The following MACROD2 variants were observed in gnomAD, a reference collection of about 807,000 sequenced individuals.
MACROD2 encodes the protein ADP-ribose glycohydrolase MACROD2.
MACROD2 carries 36 observed loss-of-function variants against 70.4 expected under a neutral mutation model. The ratio of observed to expected loss-of-function variants is 0.51; its 90% confidence interval spans 0.39 to 0.68. The LOEUF (loss-of-function observed/expected upper bound fraction) is 0.68, where lower values mean the gene tolerates loss of function less well. Ranked by LOEUF, MACROD2 falls within the 30% of genes least tolerant of loss-of-function variation. The pLI is 0.00. For synonymous variants in MACROD2, 172 were observed against 178.8 expected, an observed-to-expected ratio of 0.96 and a Z score of 0.30; for missense variants, 496 against 538.4, an observed-to-expected ratio of 0.92 and a Z score of 0.78.
chr20:14,775,819 T>G (rs1490128074), intron 5 of MACROD2, among the ~76,000 whole-genome samples: 1 of 152,014 alleles, frequency 6.6e-6, no homozygotes, highest in East Asian at 1.9e-4. Context: ...AAAAATTTTA[T>G]ATGGACCCAT....
At chr20:15,963,812 T>C (rs1356420035) in intron 12 of MACROD2, among the ~76,000 whole-genome samples, 2 of 152,204 alleles carry the variant, frequency 1.3e-5, no homozygotes, top group Non-Finnish European at 2.9e-5. Flanking sequence ...TTTAAACCTT[T>C]TCAACTTTCT....
At chr20:15,842,468 CTT>C (rs3071404) in intron 8 of MACROD2, among the ~76,000 whole-genome samples, 5 of 137,432 alleles carry the variant, frequency 3.6e-5, no homozygotes, top group Admixed American at 1.5e-4. Flanking sequence ...TTTTTTTCAT[CTT>C]TTTTTTTTTT....
At chr20:15,054,835 G>A (rs1882197232) in intron 5 of MACROD2, among the ~76,000 whole-genome samples, 1 of 152,028 alleles carries the variant, frequency 6.6e-6, no homozygotes. Context: ...CCAGGCTGGA[G>A]TGCAATGGCA....
At chr20:15,838,784 T>C (rs999280194) in intron 8 of MACROD2, among the ~76,000 whole-genome samples, 1 of 152,188 alleles carries the variant, frequency 6.6e-6, no homozygotes, top group Non-Finnish European at 1.5e-5. Flanking sequence ...ACTGAACCTT[T>C]TAAATAAATA....
At chr20:14,611,812 C>T (rs1230652584) in intron 4 of MACROD2, among the ~76,000 whole-genome samples, 1 of 152,050 alleles carries the variant, frequency 6.6e-6, no homozygotes, top group Non-Finnish European at 1.5e-5. Flanking sequence ...AAATATTAAG[C>T]TTTTTAAAAA....
At chr20:14,342,672 C>T (rs779085994) in intron 3 of MACROD2, among the ~76,000 whole-genome samples, 13 of 152,104 alleles carry the variant, frequency 8.5e-5, no homozygotes, top group Non-Finnish European at 1.8e-4. Flanking sequence ...CTTAGAATGC[C>T]GAAAGGTTTT....
intron 2 of MACROD2, among the ~76,000 whole-genome samples, chr20:14,020,438 A>C (rs1304364370): frequency 6.6e-6 from 1 of 152,188 alleles, no homozygotes; most frequent in Non-Finnish European, 1.5e-5. Flanking sequence ...GCACCCTTGC[A>C]CTCCAGCCTG....
intron 2 of MACROD2, among the ~76,000 whole-genome samples, chr20:14,026,110 G>A (rs888549668): frequency 2.0e-5 from 3 of 152,090 alleles, no homozygotes; most frequent in Non-Finnish European, 2.9e-5. Context: ...GCCCTTCTTT[G>A]TCTTTTTTGA....
chr20:15,720,673 G>A (rs375828172), intron 8 of MACROD2, among the ~76,000 whole-genome samples: 8 of 152,284 alleles, frequency 5.3e-5, no homozygotes, highest in African/African-American at 1.9e-4. Flanking sequence ...ACTATTGGCA[G>A]TGAGAGGTAC....
intron 15 of MACROD2, among the ~76,000 whole-genome samples, chr20:16,040,670 C>G (rs1158227520): frequency 6.6e-6 from 1 of 151,976 alleles, no homozygotes; most frequent in Non-Finnish European, 1.5e-5. Context: ...TCTCAGCAAT[C>G]CGAAATGGCA....
chr20:15,240,709 A>G (rs964527474), intron 6 of MACROD2, among the ~76,000 whole-genome samples: 1 of 152,186 alleles, frequency 6.6e-6, no homozygotes. Context: ...CCCCAATGTG[A>G]TGGTATATAG....
At chr20:15,782,717 C>CCA (rs2051854125) in intron 8 of MACROD2, among the ~76,000 whole-genome samples, 1 of 83,358 alleles carries the variant, frequency 1.2e-5, no homozygotes, top group African/African-American at 4.1e-5. Flanking sequence ...AGAGAAATGG[C>CCA]AAAAAAAAAA....
chr20:16,023,180 T>C (rs1044693853), intron 15 of MACROD2, among the ~76,000 whole-genome samples: 19 of 147,796 alleles, frequency 1.3e-4, no homozygotes, highest in Middle Eastern at 3.4e-3. Flanking sequence ...GAAGAAGATA[T>C]AAGAGATGGT....
chr20:15,633,436 G>A (rs2049320224), intron 8 of MACROD2, among the ~76,000 whole-genome samples: 1 of 152,194 alleles, frequency 6.6e-6, no homozygotes, highest in Admixed American at 6.5e-5. Flanking sequence ...TGTGACAAGT[G>A]AGAAGTAACA....
At chr20:14,433,870 T>A (rs905448537) in intron 3 of MACROD2, among the ~76,000 whole-genome samples, 3 of 152,126 alleles carry the variant, frequency 2.0e-5, no homozygotes, top group Admixed American at 1.3e-4. Context: ...ATCATGTGAT[T>A]TTTCTCTTCT....
chr20:15,444,779 T>G (rs1474508851), intron 7 of MACROD2, among the ~76,000 whole-genome samples: 2 of 152,120 alleles, frequency 1.3e-5, no homozygotes, highest in Non-Finnish European at 2.9e-5. Flanking sequence ...AAAATGAGGT[T>G]AATAATGGTA....
intron 5 of MACROD2, among the ~76,000 whole-genome samples, chr20:15,108,603 GT>G (rs2075930125): frequency 6.6e-6 from 1 of 152,116 alleles, no homozygotes; most frequent in African/African-American, 2.4e-5. Flanking sequence ...CTAGTTCAGA[GT>G]TTTTATCATT....
At chr20:15,064,749 T>C (rs2075560325) in intron 5 of MACROD2, among the ~76,000 whole-genome samples, 1 of 152,198 alleles carries the variant, frequency 6.6e-6, no homozygotes. Context: ...TTTCACAAGA[T>C]CCCAAGCCTT....
At chr20:15,048,810 C>T (rs2075416235) in intron 5 of MACROD2, among the ~76,000 whole-genome samples, 1 of 152,120 alleles carries the variant, frequency 6.6e-6, no homozygotes, top group Admixed American at 6.5e-5. Context: ...CATCCACATT[C>T]TCAATTATAG....
Sources: allele counts gnomAD v4.1 joint callset (sites outside exome capture counted in the v4.1 genomes callset), GRCh38; gene constraint gnomAD v4.1.1; transcripts MANE v1.5; gene names NCBI Gene and HGNC (gene_info 2026-07-23, HGNC 2026-07-21).